Variants in THSD7B observed in about 807,000 individuals in gnomAD.
THSD7B encodes the protein thrombospondin type-1 domain-containing protein 7B.
Under a neutral mutation model 213.6 loss-of-function variants are expected in THSD7B, and 138 were observed. The ratio of observed to expected loss-of-function variants is 0.65; its 90% CI spans 0.56 to 0.74. The LOEUF is 0.74. Among genes scored for constraint, THSD7B ranks in the 30% least tolerant of loss-of-function variants. The pLI is 0.00. For missense variants in THSD7B, 1,931 were observed against 1,991.5 expected, an observed-to-expected ratio of 0.97 and a Z score of 0.58; for synonymous variants, 742 against 687.0, an observed-to-expected ratio of 1.08 and a Z score of -1.25.
chr2:137,620,643 C>T lies in THSD7B; in HGVS notation c.3716C>T (p.Pro1239Leu), dbSNP rs1050573690. 1 of 1,613,690 alleles carries T rather than the reference C, an allele frequency of 6.2e-7. No individual in the cohort carries two copies. The highest frequency in any genetic ancestry group is 1.3e-5 in the African/African-American group (1 of 74,894). ...NLEKPQRMSI[P>L]CLVECVVNCQ... ...GAGAAGCCCCAGAGAATGAGCATTC[C>T]CTGCTTGGTGGAATGCGTGGTCAAC... Residue 1239 changes from proline (P) to leucine (L), a missense_variant, in exon 20 of 28, where the codon CCC becomes CTC. Coordinates refer to ENST00000409968, the MANE Select transcript of THSD7B (RefSeq NM_001316349.2).
At chr2:137,580,254 G>C (rs550445773) in intron 17 of THSD7B, among the ~76,000 whole-genome samples, 55 of 151,586 alleles carry the variant, frequency 3.6e-4, no homozygotes, top group African/African-American at 1.2e-3. Context: ...GCTGTACCCA[G>C]TTACATTTAA....
chr2:137,318,678 T>C (rs931174589), intron 12 of THSD7B, among the ~76,000 whole-genome samples: 5 of 152,122 alleles, frequency 3.3e-5, no homozygotes, highest in Non-Finnish European at 5.9e-5. Context: ...AACCTAATTG[T>C]CTGTGTTTAA....
intron 24 of THSD7B, among the ~76,000 whole-genome samples, chr2:137,659,397 T>A (rs1303424111): frequency 6.6e-6 from 1 of 152,166 alleles, no homozygotes; most frequent in African/African-American, 2.4e-5. Flanking sequence ...GACTTTGTGC[T>A]CAAGCATAGC....
chr2:137,444,618 T>C (rs770530865), intron 14 of THSD7B, among the ~76,000 whole-genome samples: 1 of 151,834 alleles, frequency 6.6e-6, no homozygotes, highest in Non-Finnish European at 1.5e-5. Flanking sequence ...TTTACAAAAA[T>C]CAAATCAATT....
At chr2:137,608,590 G>A (rs1279665862) in intron 17 of THSD7B, among the ~76,000 whole-genome samples, 1 of 152,152 alleles carries the variant, frequency 6.6e-6, no homozygotes, top group Non-Finnish European at 1.5e-5. Context: ...AGATGTGTGA[G>A]ATAATAAATA....
At chr2:137,018,136 C>G (rs192219850) in intron 2 of THSD7B, among the ~76,000 whole-genome samples, 1 of 151,804 alleles carries the variant, frequency 6.6e-6, no homozygotes, top group African/African-American at 2.4e-5. Context: ...GTCAACAATC[C>G]TTAAATATAA....
chr2:136,998,694 G>A lies in THSD7B; in HGVS notation c.140-57726G>A, dbSNP rs187827592. Reference sequence around the variant, plus strand: ...GTGCATAGTTGCTTTCTTTCATTTCGTACTTAGATCACACAAGAATACTGC... The same window carrying A: ...GTGCATAGTTGCTTTCTTTCATTTCATACTTAGATCACACAAGAATACTGC... On this transcript the variant is annotated intron_variant, in intron 2 of 27. Transcript: ENST00000409968. Among the ~76,000 whole-genome samples the A allele has an allele frequency of 1.0e-3, 156 of 152,136 alleles. 1 individual carries two copies. Among genetic ancestry groups the A allele is most frequent in the African/African-American group, 3.7e-3 (153 of 41,492 alleles).
At chr2:137,003,508 G>A (rs990214474) in intron 2 of THSD7B, among the ~76,000 whole-genome samples, 3 of 152,176 alleles carry the variant, frequency 2.0e-5, no homozygotes, top group Non-Finnish European at 4.4e-5. Context: ...GGGAATACAT[G>A]GCATGGCAGT....
intron 5 of THSD7B, 64 bp downstream of exon 5, chr2:137,115,357 C>G: frequency 3.6e-6 from 5 of 1,403,468 alleles, no homozygotes; most frequent in Non-Finnish European, 4.7e-6. Context: ...CTCCAACTCT[C>G]CAAGTATTCT....
At chr2:137,597,086 A>G (rs1320731597) in intron 17 of THSD7B, among the ~76,000 whole-genome samples, 1 of 152,130 alleles carries the variant, frequency 6.6e-6, no homozygotes, top group Non-Finnish European at 1.5e-5. Context: ...TGGATATGAG[A>G]TAAATTTTGA....
intron 1 of THSD7B, among the ~76,000 whole-genome samples, chr2:136,791,144 G>C (rs1681957836): frequency 6.6e-6 from 1 of 151,842 alleles, no homozygotes; most frequent in South Asian, 2.1e-4. Context: ...AATAATTAAG[G>C]ATCCTACAGA....
At chr2:137,562,675 A>G (rs1190452147) in intron 15 of THSD7B, among the ~76,000 whole-genome samples, 1 of 151,726 alleles carries the variant, frequency 6.6e-6, no homozygotes, top group Non-Finnish European at 1.5e-5. Flanking sequence ...ATATAGCTAA[A>G]TTTATATGAA....
intron 9 of THSD7B, among the ~76,000 whole-genome samples, chr2:137,239,426 G>A (rs1033930275): frequency 2.0e-5 from 3 of 151,974 alleles, no homozygotes; most frequent in African/African-American, 7.3e-5. Context: ...ACCCACTTCC[G>A]TCCTCCTTCC....
chr2:137,143,710 T>C (rs1227160295), intron 5 of THSD7B, among the ~76,000 whole-genome samples: 9 of 152,132 alleles, frequency 5.9e-5, no homozygotes, highest in Non-Finnish European at 5.9e-5. Flanking sequence ...CATGCATGCC[T>C]CTATTAACCT....
At chr2:137,449,863 C>T (rs1007458630) in intron 14 of THSD7B, among the ~76,000 whole-genome samples, 1 of 152,080 alleles carries the variant, frequency 6.6e-6, no homozygotes, top group African/African-American at 2.4e-5. Context: ...TGTAAATTCC[C>T]TTCACATTTG....
chr2:136,898,703 C>T (rs918157748), intron 2 of THSD7B, among the ~76,000 whole-genome samples: 3 of 148,038 alleles, frequency 2.0e-5, no homozygotes, highest in African/African-American at 7.5e-5. Flanking sequence ...AGTGCAGTGG[C>T]ATGATCTCGG....
chr2:137,557,012 C>G (rs1257222914), intron 15 of THSD7B, among the ~76,000 whole-genome samples: 3 of 152,124 alleles, frequency 2.0e-5, no homozygotes, highest in Non-Finnish European at 4.4e-5. Context: ...TATATATGCA[C>G]CCAATACAGG....
At chr2:137,489,488 A>G (rs1409783826) in intron 15 of THSD7B, among the ~76,000 whole-genome samples, 3 of 151,552 alleles carry the variant, frequency 2.0e-5, no homozygotes, top group African/African-American at 4.9e-5. Context: ...GAATCGAGTT[A>G]ATTAAGTTTT....
At chr2:137,588,769 T>A (rs1681799979) in intron 17 of THSD7B, among the ~76,000 whole-genome samples, 1 of 144,042 alleles carries the variant, frequency 6.9e-6, no homozygotes, top group South Asian at 2.2e-4. Context: ...CCTTTATTTA[T>A]TTATTTATTT....
Sources: gnomAD v4.1 joint callset for allele counts (sites outside exome capture counted in the v4.1 genomes callset) on GRCh38, gnomAD v4.1.1 for gene constraint, MANE v1.5 for transcripts, NCBI Gene and HGNC (gene_info 2026-07-23, HGNC 2026-07-21) for gene names.